DRC8: variants seen among roughly 807,000 people sequenced by gnomAD.
DRC8 encodes the protein dynein regulatory complex protein 8.
chr1:245,056,132 G>T, the DRC8 span, among the ~76,000 whole-genome samples: 3 of 152,120 alleles, frequency 2.0e-5, no homozygotes, highest in African/African-American at 7.2e-5. Flanking sequence ...TCCAGCCTTT[G>T]CCCCTGCCAC....
the DRC8 span, among the ~76,000 whole-genome samples, chr1:245,040,796 A>G: frequency 6.6e-6 from 1 of 152,176 alleles, no homozygotes. Flanking sequence ...ACACACAAAC[A>G]TGAATTACTC....
chr1:244,975,092 G>A, the DRC8 span, among the ~76,000 whole-genome samples: 7 of 152,172 alleles, frequency 4.6e-5, no homozygotes, highest in East Asian at 7.7e-4. Flanking sequence ...CACCACGCCC[G>A]GCTAATTTTT....
At chr1:245,089,124 G>A in the DRC8 span, among the ~76,000 whole-genome samples, 1 of 152,154 alleles carries the variant, frequency 6.6e-6, no homozygotes, top group Non-Finnish European at 1.5e-5. The surrounding 1 kb of genome is among the most constrained non-coding windows in gnomAD (Gnocchi z 4.8). Context: ...ACTGGGAAAA[G>A]TCAAGCATGA....
the DRC8 span, among the ~76,000 whole-genome samples, chr1:245,014,052 C>CAA: frequency 9.9e-5 from 11 of 111,140 alleles, no homozygotes; most frequent in African/African-American, 2.9e-4. Flanking sequence ...AAAAAAAAGA[C>CAA]AAAAAAAAAG....
At chr1:245,054,658 C>G in the DRC8 span, among the ~76,000 whole-genome samples, 1 of 152,114 alleles carries the variant, frequency 6.6e-6, no homozygotes, top group South Asian at 2.1e-4. Context: ...AATGTGGGTA[C>G]TCCTCAGACC....
chr1:245,015,605 G>T, the DRC8 span: 2 of 165,224 alleles, frequency 1.2e-5, no homozygotes, highest in African/African-American at 4.8e-5. Flanking sequence ...AGCTACTCAG[G>T]AGGCAGAGGC....
the DRC8 span, chr1:244,970,450 T>C: frequency 6.5e-7 from 1 of 1,527,032 alleles, no homozygotes; most frequent in Non-Finnish European, 8.7e-7. Context: ...GAAGGTAAGG[T>C]AGGGGAGCCG....
chr1:245,041,965 C>T, the DRC8 span, among the ~76,000 whole-genome samples: 1 of 152,182 alleles, frequency 6.6e-6, no homozygotes, highest in South Asian at 2.1e-4. Flanking sequence ...GTTTAAGTCA[C>T]ACAGTCTATG....
the DRC8 span, among the ~76,000 whole-genome samples, chr1:245,033,583 G>A: frequency 7.2e-5 from 11 of 152,108 alleles, no homozygotes; most frequent in African/African-American, 1.7e-4. Flanking sequence ...CTTCTTCAAC[G>A]TGCAATTTGT....
At chr1:245,037,645 G>A in the DRC8 span, among the ~76,000 whole-genome samples, 2 of 152,222 alleles carry the variant, frequency 1.3e-5, no homozygotes, top group African/African-American at 4.8e-5. Flanking sequence ...GGTGATAACA[G>A]ACACGTAAGT....
At chr1:245,006,062 T>C in the DRC8 span, among the ~76,000 whole-genome samples, 1 of 152,196 alleles carries the variant, frequency 6.6e-6, no homozygotes, top group African/African-American at 2.4e-5. Flanking sequence ...TTGAGATAGG[T>C]AGGAGCCTAA....
At chr1:245,011,254 C>T in the DRC8 span, among the ~76,000 whole-genome samples, 1 of 152,186 alleles carries the variant, frequency 6.6e-6, no homozygotes, top group Admixed American at 6.5e-5. Flanking sequence ...CCCATGAGGA[C>T]AAGCTGGTTG....
At chr1:245,047,635 CAA>C in the DRC8 span, among the ~76,000 whole-genome samples, 1 of 103,896 alleles carries the variant, frequency 9.6e-6, no homozygotes, top group African/African-American at 3.9e-5. Context: ...ACTCCATCTC[CAA>C]AAAAAAAAAA....
chr1:245,073,388 G>A, the DRC8 span, among the ~76,000 whole-genome samples: 17 of 152,172 alleles, frequency 1.1e-4, no homozygotes, highest in African/African-American at 3.4e-4. Flanking sequence ...TGGCCACCTC[G>A]GCCTCCCAAA....
chr1:245,035,345 G>C, the DRC8 span, among the ~76,000 whole-genome samples: 1 of 152,120 alleles, frequency 6.6e-6, no homozygotes, highest in Non-Finnish European at 1.5e-5. Flanking sequence ...TTAAGACTGT[G>C]ATACTGGCAT....
At chr1:245,017,208 G>A in the DRC8 span, 251 of 1,576,718 alleles carry the variant, frequency 1.6e-4, 1 homozygote, top group African/African-American at 3.1e-3. Flanking sequence ...CAAAGCTAAA[G>A]TAAACTAATT....
the DRC8 span, chr1:244,970,610 C>G: frequency 2.4e-5 from 18 of 757,192 alleles, no homozygotes; most frequent in Admixed American, 7.6e-4. Flanking sequence ...GCCCTGCCCC[C>G]GTCCCCGTAG....
the DRC8 span, among the ~76,000 whole-genome samples, chr1:244,971,318 C>G: frequency 1.3e-5 from 2 of 152,266 alleles, no homozygotes; most frequent in African/African-American, 4.8e-5. Flanking sequence ...CAGGGGACCA[C>G]CCAGCCCCGC....
chr1:245,010,539 C>T, the DRC8 span, among the ~76,000 whole-genome samples: 1 of 152,134 alleles, frequency 6.6e-6, no homozygotes, highest in Non-Finnish European at 1.5e-5. Context: ...GCCCTGGTCC[C>T]CCTGTGGGAA....
Sources: allele counts gnomAD v4.1 joint callset (sites outside exome capture counted in the v4.1 genomes callset), GRCh38; gene constraint gnomAD v4.1.1; non-coding constraint Gnocchi (gnomAD v3.1); transcripts MANE v1.5; gene names NCBI Gene and HGNC (gene_info 2026-07-23, HGNC 2026-07-21).